Variants in SBF2 observed in about 807,000 individuals in gnomAD.
The protein encoded by SBF2 is myotubularin-related protein 13.
In SBF2, 112 loss-of-function variants were observed where a neutral mutation model predicts 225.2. That is an observed-to-expected ratio of 0.50 (90% CI 0.43 to 0.58). The LOEUF is 0.58. SBF2 is among the 20% of genes least tolerant of loss of function. SBF2 has a pLI of 0.00. For missense variants in SBF2, 1,996 were observed against 2,206.2 expected (o/e 0.90, Z 1.91); for synonymous variants, 763 against 773.3 (o/e 0.99, Z 0.22).
At position 9,786,902 on chromosome 11, in the gene SBF2, CA is replaced by C. The variant is rs546566877; in HGVS notation, c.5037+731del. 7.4e-3 allele frequency among the ~76,000 whole-genome samples: 1,120 copies of C among 152,222 alleles called. 11 individuals carry two copies. Among genetic ancestry groups the C allele is most frequent in the African/African-American group, 0.025 (1,040 of 41,514 alleles). On this transcript the variant is annotated intron_variant, in intron 36 of 39. Coordinates refer to ENST00000256190, the MANE Select transcript of SBF2 (RefSeq NM_030962.4). ...TATTTGGTTTTAAAATATATATATA[CA>C]TTTTTTTGAGACGGAGTCTTGTTCT...
At chr11:10,235,475 C>T (rs920119143) in intron 1 of SBF2, among the ~76,000 whole-genome samples, 9 of 149,078 alleles carry the variant, frequency 6.0e-5, no homozygotes, top group African/African-American at 2.0e-4. Context: ...TGCGGTGAGC[C>T]GAGATTGTGC....
intron 2 of SBF2, among the ~76,000 whole-genome samples, chr11:10,158,068 T>C (rs1955557866): frequency 6.6e-6 from 1 of 152,110 alleles, no homozygotes; most frequent in African/African-American, 2.4e-5. Flanking sequence ...CTGTGGAAAT[T>C]AACACACTCT....
chr11:10,042,994 G>C lies in SBF2; in HGVS notation c.142-13C>G, dbSNP rs959839243. 6.3e-7 allele frequency: 1 copy of C among 1,584,274 alleles called. No homozygotes were observed. The highest frequency in any genetic ancestry group is 1.4e-5 in the African/African-American group (1 of 72,906). ...CAGGCTGACAAAACTAAATGAAATA[G>C]AAAAAAAAATGTAACATTTAAAAAC... On this transcript the variant is annotated splice_polypyrimidine_tract_variant and intron_variant, in intron 2 of 39. Coordinates refer to ENST00000256190, the MANE Select transcript of SBF2 (RefSeq NM_030962.4).
In SBF2 at chr11:9,829,823, T is replaced by C. The variant is rs145404331; in HGVS notation, c.3653-327A>G. The stretch of plus-strand genomic sequence containing the variant: ...AAGCACAGGGCATAGCTTCTCATTA[T>C]CCAAGCAACTCAAAATGAAGATTCA... On this transcript the variant is annotated intron_variant, in intron 27 of 39. Coordinates refer to ENST00000256190, the MANE Select transcript of SBF2 (RefSeq NM_030962.4). Among the ~76,000 whole-genome samples the C allele has an allele frequency of 1.2e-4, 19 of 152,364 alleles. No homozygotes were observed. The Middle Eastern group carries it at 0.01, about 82-fold the overall frequency.
intron 2 of SBF2, among the ~76,000 whole-genome samples, chr11:10,160,504 G>T (rs981566938): frequency 1.3e-5 from 2 of 152,186 alleles, no homozygotes; most frequent in South Asian, 4.2e-4. Flanking sequence ...AAAGAGAGGC[G>T]GAAAAATAGA....
intron 1 of SBF2, among the ~76,000 whole-genome samples, chr11:10,263,556 C>T (rs987396848): frequency 1.3e-5 from 2 of 151,994 alleles, no homozygotes; most frequent in African/African-American, 4.8e-5. Flanking sequence ...TAAACTCTGA[C>T]CTTTAAATAA....
At chr11:10,173,253 T>C (rs1956288793) in intron 2 of SBF2, among the ~76,000 whole-genome samples, 1 of 152,194 alleles carries the variant, frequency 6.6e-6, no homozygotes, top group African/African-American at 2.4e-5. Flanking sequence ...AGGTACCGGG[T>C]TCATCTCACT....
chr11:10,236,521 G>T (rs139133672), intron 1 of SBF2, among the ~76,000 whole-genome samples: 1 of 151,982 alleles, frequency 6.6e-6, no homozygotes, highest in Admixed American at 6.6e-5. Flanking sequence ...GTGCAGTGGC[G>T]CGATCTCAGC....
Position 9,832,381 on chromosome 11 carries a change from G to A in SBF2, c.3495C>T (p.Asp1165=), listed in dbSNP as rs762826012. The A allele has an allele frequency of 3.1e-6, 5 of 1,613,894 alleles. No individual in the cohort carries two copies. Among genetic ancestry groups the A allele is most frequent in the Non-Finnish European group, 3.4e-6 (4 of 1,179,972 alleles). ...AGCGAGCTACTCTTGGTAAACTACT[G>A]TCCTGTACAGCTTGAGGTACGACTA... ...GLLVVPQAVQ[D]SSLPRVARCY... Residue 1165 remains aspartate, a synonymous_variant, in exon 27 of 40, where the codon GAC becomes GAT. Transcript: ENST00000256190.
At chr11:10,245,667 T>C (rs1959714341) in intron 1 of SBF2, among the ~76,000 whole-genome samples, 1 of 151,994 alleles carries the variant, frequency 6.6e-6, no homozygotes, top group Non-Finnish European at 1.5e-5. Flanking sequence ...AGAACTGAAA[T>C]CAAGATATCA....
chr11:9,910,632 C>T (rs1042662726), intron 16 of SBF2, among the ~76,000 whole-genome samples: 5 of 151,862 alleles, frequency 3.3e-5, no homozygotes, highest in African/African-American at 1.2e-4. Flanking sequence ...TATGGATGAT[C>T]CTGACCCTGT....
chr11:10,229,446 C>A (rs1481468859), intron 1 of SBF2, among the ~76,000 whole-genome samples: 1 of 152,130 alleles, frequency 6.6e-6, no homozygotes, highest in Non-Finnish European at 1.5e-5. Flanking sequence ...CTCTTATGGG[C>A]ATTTAGTGCT....
At chr11:10,224,648 T>G (rs192826153) in intron 1 of SBF2, among the ~76,000 whole-genome samples, 4 of 152,222 alleles carry the variant, frequency 2.6e-5, no homozygotes, top group Non-Finnish European at 5.9e-5. Context: ...CTCAAACTGG[T>G]TTACTCCCCT....
In SBF2 at chr11:10,033,028, G is replaced by A. The variant is rs139149252; in HGVS notation, c.280-1858C>T. Among the ~76,000 whole-genome samples, 886 of 152,234 alleles carry A rather than the reference G, an allele frequency of 5.8e-3. 14 individuals carry two copies. Among genetic ancestry groups the A allele is most frequent in the African/African-American group, 0.019 (805 of 41,542 alleles). On this transcript the variant is annotated intron_variant, in intron 3 of 39. Transcript: ENST00000256190. ...AAAGGGAACTATCTGTTTAGTTTTT[G>A]TATGTATGATAGAGTCCATATGCTC...
intron 2 of SBF2, among the ~76,000 whole-genome samples, chr11:10,144,722 T>C (rs1459134856): frequency 5.3e-5 from 8 of 152,184 alleles, no homozygotes; most frequent in Non-Finnish European, 1.0e-4. Flanking sequence ...TTTCTACATG[T>C]TCTTCTATGC....
At chr11:9,827,210 A>G (rs1855121457) in intron 28 of SBF2, among the ~76,000 whole-genome samples, 2 of 151,168 alleles carry the variant, frequency 1.3e-5, no homozygotes, top group Admixed American at 1.3e-4. Flanking sequence ...CTGTGACTCC[A>G]TTGTGAGACA....
intron 32 of SBF2, among the ~76,000 whole-genome samples, chr11:9,806,219 G>C (rs1321382778): frequency 6.6e-6 from 1 of 152,230 alleles, no homozygotes; most frequent in African/African-American, 2.4e-5. Context: ...TAAAGTGGGA[G>C]CGTGAGGGTC....
chr11:9,931,727 C>T (rs1393052530), intron 16 of SBF2, among the ~76,000 whole-genome samples: 1 of 152,168 alleles, frequency 6.6e-6, no homozygotes, highest in Non-Finnish European at 1.5e-5. Flanking sequence ...TCTTCTCCTC[C>T]AAAGGATCGC....
At position 10,133,364 on chromosome 11, in the gene SBF2, T is replaced by C. The variant is rs11828932; in HGVS notation, c.141+60538A>G. 3.3e-3 allele frequency among the ~76,000 whole-genome samples: 496 copies of C among 149,318 alleles called. 24 individuals are homozygous for C. Among genetic ancestry groups the C allele is most frequent in the African/African-American group, 7.5e-3 (304 of 40,582 alleles). ...GTGCCGTGGAGCAGGGGGTGGTGCT[T>C]GTCGGGGAGGCTCGGGCCGCACAGG... On this transcript the variant is annotated intron_variant, in intron 2 of 39. Transcript: ENST00000256190.
Sources: gnomAD v4.1 joint callset for allele counts (sites outside exome capture counted in the v4.1 genomes callset) on GRCh38, gnomAD v4.1.1 for gene constraint, MANE v1.5 for transcripts, NCBI Gene and HGNC (gene_info 2026-07-23, HGNC 2026-07-21) for gene names.